R3HDM1: variants seen among roughly 807,000 people sequenced by gnomAD.
The protein encoded by R3HDM1 is R3H domain containing 1.
Under a neutral mutation model 141.1 loss-of-function variants are expected in R3HDM1, and 46 were observed. The observed-to-expected ratio is 0.33, with a 90% CI of 0.26 to 0.42. The LOEUF is 0.42. Ranked by LOEUF, R3HDM1 falls within the 10% of genes least tolerant of loss-of-function variation. The pLI is 1.00. For synonymous variants in R3HDM1, 435 were observed against 472.9 expected (o/e 0.92, Z 1.04); for missense variants, 1,184 against 1,368.3 (o/e 0.87, Z 2.12).
chr2:135,724,749 T>G lies in R3HDM1; in HGVS notation c.*457T>G, dbSNP rs143064512. ...ATAACCAAGTCAAAACCATGTACTATCTCCTTGGGGGTTAGGGATGCTAAG... is the reference window on the plus strand; with the variant it reads ...ATAACCAAGTCAAAACCATGTACTAGCTCCTTGGGGGTTAGGGATGCTAAG... On this transcript the variant is annotated 3_prime_UTR_variant, in exon 27 of 27. Transcript: ENST00000683871. 6.5e-6 allele frequency: 1 copy of G among 153,848 alleles called. No homozygotes were observed. The highest frequency in any genetic ancestry group is 2.4e-5 in the African/African-American group (1 of 41,546). 9.5% of individuals were successfully genotyped at this position (153,848 alleles called of 1,614,324 possible).
At chr2:135,698,683 A>T (rs545018658) in intron 21 of R3HDM1, among the ~76,000 whole-genome samples, 1 of 152,202 alleles carries the variant, frequency 6.6e-6, no homozygotes, top group African/African-American at 2.4e-5. Flanking sequence ...CATAGGAAGC[A>T]TAGTGGCTTC....
chr2:135,660,560 A>C (rs948732703), intron 18 of R3HDM1, among the ~76,000 whole-genome samples: 2 of 152,046 alleles, frequency 1.3e-5, no homozygotes, highest in African/African-American at 4.8e-5. Context: ...TTTTTAAAAT[A>C]CTCGCCCAGG....
In R3HDM1 at chr2:135,704,278, C is replaced by A. The variant is rs181034759; in HGVS notation, c.2460-5155C>A. 3.3e-5 allele frequency among the ~76,000 whole-genome samples: 5 copies of A among 152,280 alleles called. No individual in the cohort carries two copies. The East Asian group carries it at 9.7e-4, about 29-fold the overall frequency. On this transcript the variant is annotated intron_variant, in intron 21 of 26. Transcript: ENST00000683871. Reference sequence around the variant, plus strand: ...TACAGGCATGAGCCGCCACACCCGGCTGAACTGAAGGTTTATATTGCAGAA... The same window carrying A: ...TACAGGCATGAGCCGCCACACCCGGATGAACTGAAGGTTTATATTGCAGAA...
rs1042203656 is a variant in R3HDM1, at chr2:135,605,006, T to C, written c.161T>C (p.Ile54Thr). 2.5e-6 allele frequency: 4 copies of C among 1,595,464 alleles called. No individual in the cohort carries two copies. The African/African-American group carries it at 5.4e-5, about 21-fold the overall frequency. The change falls in exon 3 of 27, where the codon ATA (isoleucine) becomes ACA (threonine). Residue 54 changes from isoleucine (I) to threonine (T), a missense_variant. Coordinates refer to ENST00000683871, the MANE Select transcript of R3HDM1 (RefSeq NM_001378107.1). Reference sequence around the variant, plus strand: ...AATGAACATTGTATTGAGAACAATATAGATTTGCAGGTAAACAGGAATTTT... The same window carrying C: ...AATGAACATTGTATTGAGAACAATACAGATTTGCAGGTAAACAGGAATTTT... Reference protein sequence around the residue: ...EKNEHCIENNIDLQRPLQSFG... With the variant: ...EKNEHCIENNTDLQRPLQSFG...
chr2:135,582,706 T>C (rs142686273), intron 1 of R3HDM1, among the ~76,000 whole-genome samples: 166 of 152,308 alleles, frequency 1.1e-3, no homozygotes, highest in African/African-American at 3.9e-3. Flanking sequence ...CAAAGTGAGG[T>C]ATTTTTACTT....
intron 21 of R3HDM1, among the ~76,000 whole-genome samples, chr2:135,696,120 G>GA (rs2073199064): frequency 6.6e-6 from 1 of 152,010 alleles, no homozygotes; most frequent in South Asian, 2.1e-4. Context: ...ACAATCCATG[G>GA]TATATTCATC....
chr2:135,660,528 T>C (rs560764098), intron 18 of R3HDM1, among the ~76,000 whole-genome samples: 1 of 152,158 alleles, frequency 6.6e-6, no homozygotes, highest in African/African-American at 2.4e-5. Context: ...TTTTGGAGCA[T>C]TTCAGATTTT....
At chr2:135,611,505 A>T (rs569813816) in intron 3 of R3HDM1, among the ~76,000 whole-genome samples, 1 of 152,208 alleles carries the variant, frequency 6.6e-6, no homozygotes, top group Non-Finnish European at 1.5e-5. Context: ...ACACGATTCT[A>T]TGGCTTCTCA....
intron 19 of R3HDM1, among the ~76,000 whole-genome samples, chr2:135,672,166 G>C (rs1008455085): frequency 4.6e-5 from 7 of 152,170 alleles, no homozygotes; most frequent in Admixed American, 4.6e-4. Context: ...GCTCCACTGT[G>C]TTCAAAAACT....
At chr2:135,675,192 A>T in intron 19 of R3HDM1, 140 bp from the exon 20 acceptor site, 1 of 808,980 alleles carries the variant, frequency 1.2e-6, no homozygotes, top group Non-Finnish European at 1.9e-6. Context: ...ATGTTATTTC[A>T]TAATAGATGG....
intron 1 of R3HDM1, among the ~76,000 whole-genome samples, chr2:135,556,441 GA>G (rs1023405102): frequency 6.6e-6 from 1 of 151,478 alleles, no homozygotes; most frequent in South Asian, 2.1e-4. Context: ...ATCAAAAAAT[GA>G]AAAAATCAAC....
At chr2:135,617,377 GT>G (rs2061140135) in intron 5 of R3HDM1, among the ~76,000 whole-genome samples, 1 of 151,904 alleles carries the variant, frequency 6.6e-6, no homozygotes, top group Non-Finnish European at 1.5e-5. Flanking sequence ...GAATATAATT[GT>G]GGTGAAATTT....
chr2:135,643,371 A>G lies in R3HDM1; in HGVS notation c.1474+1581A>G, dbSNP rs74642287. Among the ~76,000 whole-genome samples, 670 of 152,016 alleles carry G rather than the reference A, an allele frequency of 4.4e-3. 14 individuals carry two copies. The Middle Eastern group carries it at 0.12, about 28-fold the overall frequency. ...TTCTGCTTGATAGCTATAGACTAGT[A>G]TAGTCTTCTCTCCCAAATATTATGT... On this transcript the variant is annotated intron_variant, in intron 15 of 26. Transcript: ENST00000683871.
At chr2:135,627,916 C>T (rs2062212634) in intron 7 of R3HDM1, among the ~76,000 whole-genome samples, 1 of 152,088 alleles carries the variant, frequency 6.6e-6, no homozygotes, top group Admixed American at 6.6e-5. Flanking sequence ...TCTAAAATTA[C>T]TTCTGGAATA....
intron 1 of R3HDM1, among the ~76,000 whole-genome samples, chr2:135,587,613 T>A (rs1197280547): frequency 6.6e-6 from 1 of 152,162 alleles, no homozygotes; most frequent in African/African-American, 2.4e-5. Context: ...AGAATTTCAT[T>A]ATTTTTAAGC....
At chr2:135,532,071 C>T (rs1694941598) in intron 1 of R3HDM1, among the ~76,000 whole-genome samples, 1 of 152,230 alleles carries the variant, frequency 6.6e-6, no homozygotes, top group Admixed American at 6.5e-5. Flanking sequence ...CACAGCAGGC[C>T]TGCCAAGAGC....
At chr2:135,557,317 T>C (rs1411954475) in intron 1 of R3HDM1, among the ~76,000 whole-genome samples, 1 of 152,098 alleles carries the variant, frequency 6.6e-6, no homozygotes, top group African/African-American at 2.4e-5. Flanking sequence ...ATCCTTTGTA[T>C]CTTTTTCTTC....
At chr2:135,609,352 C>T (rs2060334803) in intron 3 of R3HDM1, among the ~76,000 whole-genome samples, 1 of 152,070 alleles carries the variant, frequency 6.6e-6, no homozygotes, top group African/African-American at 2.4e-5. Context: ...CTTAATACTT[C>T]AGAGCTAATT....
intron 1 of R3HDM1, among the ~76,000 whole-genome samples, chr2:135,547,347 TGAA>T (rs1377904086): frequency 1.3e-5 from 2 of 152,212 alleles, no homozygotes; most frequent in African/African-American, 4.8e-5. Context: ...ATGAGTTACT[TGAA>T]GAGAATGTTT....
Sources: allele counts gnomAD v4.1 joint callset (sites outside exome capture counted in the v4.1 genomes callset), GRCh38; gene constraint gnomAD v4.1.1; transcripts MANE v1.5; gene names NCBI Gene and HGNC (gene_info 2026-07-23, HGNC 2026-07-21).